Variants in TNKS2 observed in about 807,000 individuals in gnomAD.
The protein encoded by TNKS2 is poly [ADP-ribose] polymerase tankyrase-2.
TNKS2 carries 72 observed loss-of-function variants against 137.6 expected under a neutral mutation model. The ratio of observed to expected loss-of-function variants is 0.52; its 90% CI spans 0.43 to 0.64. TNKS2 has a LOEUF of 0.64. Among genes scored for constraint, TNKS2 ranks in the 30% least tolerant of loss-of-function variants. TNKS2 has a pLI of 0.00. For synonymous variants in TNKS2, 516 were observed against 512.1 expected (o/e 1.01, Z -0.10); for missense variants, 1,049 against 1,410.2 (o/e 0.74, Z 4.10).
At chr10:91,856,961 G>T (rs1842724175) in intron 23 of TNKS2, among the ~76,000 whole-genome samples, 1 of 152,032 alleles carries the variant, frequency 6.6e-6, no homozygotes, top group Non-Finnish European at 1.5e-5. Flanking sequence ...GAATCAGAAG[G>T]TCGAGGGAGT....
At chr10:91,804,780 G>C (rs1844272720) in intron 1 of TNKS2, among the ~76,000 whole-genome samples, 1 of 152,196 alleles carries the variant, frequency 6.6e-6, no homozygotes, top group Admixed American at 6.5e-5. Context: ...GTGAGGCACA[G>C]AGTTTCACTC....
At chr10:91,856,964 G>A (rs752352339) in intron 23 of TNKS2, among the ~76,000 whole-genome samples, 2 of 152,008 alleles carry the variant, frequency 1.3e-5, no homozygotes, top group African/African-American at 4.8e-5. Context: ...TCAGAAGGTC[G>A]AGGGAGTAAT....
chr10:91,825,434 A>T (rs1315429122), intron 7 of TNKS2, among the ~76,000 whole-genome samples: 1 of 152,102 alleles, frequency 6.6e-6, no homozygotes, highest in East Asian at 1.9e-4. Flanking sequence ...TTTTAAACTA[A>T]AGTATATTTA....
At chr10:91,839,798 G>A (rs1327574571) in intron 13 of TNKS2, among the ~76,000 whole-genome samples, 2 of 152,156 alleles carry the variant, frequency 1.3e-5, no homozygotes, top group East Asian at 1.9e-4. Flanking sequence ...ACTTTAATGT[G>A]TTTCCATATT....
At position 91,798,727 on chromosome 10, in the gene TNKS2, T is replaced by A. The variant is rs2133576532; in HGVS notation, c.37T>A (p.Cys13Ser). 8.1e-7 allele frequency: 1 copy of A among 1,241,940 alleles called. No homozygotes were observed. The highest frequency in any genetic ancestry group is 3.9e-5 in the South Asian group (1 of 25,732). 76.9% of individuals were successfully genotyped at this position (1,241,940 alleles called of 1,614,324 possible). A position where few individuals can be genotyped will look rare whatever the true frequency, so the allele number is the denominator to read the frequency against. ...CCGCTGCGCCGGCGGGGGAGCGGCC[T>A]GCGCGAGCGCCGCGGCCGAGGCCGT... The part of the protein sequence containing the change: ...GRRCAGGGAA[C>S]ASAAAEAVEP... The change falls in exon 1 of 27, where the codon TGC (cysteine) becomes AGC (serine). Residue 13 changes from cysteine to serine, a missense_variant. Around this residue, in one of 6 missense-constraint regions of TNKS2, gnomAD observed 374 missense variants for 460.8 expected, o/e 0.81. Coordinates refer to ENST00000371627, the MANE Select transcript of TNKS2 (RefSeq NM_025235.4).
In TNKS2 at chr10:91,849,512, T is replaced by G; in HGVS notation, c.2612T>G (p.Val871Gly). 6.2e-7 allele frequency: 1 copy of G among 1,609,018 alleles called. No individual in the cohort carries two copies. Among genetic ancestry groups the G allele is most frequent in the Admixed American group, 1.7e-5 (1 of 58,812 alleles). ...EGASSLEKKE[V>G]PGVDFSITQF... ...TGTTTTGGATTTTTTTATTTCCCAG[T>G]TCCAGGAGTAGATTTTAGCATAACT... The change falls in exon 20 of 27, where the codon GTT becomes GGT. Residue 871 changes from valine to glycine, a missense_variant and splice_region_variant. By Grantham distance (109) the Val-to-Gly change is moderately radical. Coordinates refer to ENST00000371627, the MANE Select transcript of TNKS2 (RefSeq NM_025235.4).
intron 20 of TNKS2, among the ~76,000 whole-genome samples, chr10:91,850,733 CAG>C (rs1487410531): frequency 2.0e-5 from 3 of 151,924 alleles, no homozygotes; most frequent in Non-Finnish European, 2.9e-5. Flanking sequence ...AATAAAAAAA[CAG>C]AAATTTGAAG....
rs1385124026 is a variant in TNKS2, at chr10:91,859,518, A to G, written c.3151A>G (p.Ile1051Val). The G allele has an allele frequency of 2.5e-6, 4 of 1,613,892 alleles. No homozygotes were observed. Among genetic ancestry groups the G allele is most frequent in the African/African-American group, 1.3e-5 (1 of 74,910 alleles). Residue 1051 changes from isoleucine (I) to valine (V), a missense_variant, in exon 25 of 27, where the codon ATA becomes GTA. Coordinates refer to ENST00000371627, the MANE Select transcript of TNKS2 (RefSeq NM_025235.4). ...AGGCTTTGATGAAAGGCATGCGTAC[A>G]TAGGTGGTATGTTTGGAGCTGGCAT... The part of the protein sequence containing the change: ...HKGFDERHAY[I>V]GGMFGAGIYF...
At chr10:91,832,953 A>G (rs1005961342) in intron 11 of TNKS2, among the ~76,000 whole-genome samples, 8 of 152,124 alleles carry the variant, frequency 5.3e-5, no homozygotes, top group African/African-American at 1.9e-4. Flanking sequence ...CCACCAATAT[A>G]TCTTATTTTT....
Position 91,827,150 on chromosome 10 carries a change from A to G in TNKS2, c.929A>G (p.Asn310Ser), listed in dbSNP as rs201298866. 79 of 1,604,690 alleles carry G rather than the reference A, an allele frequency of 4.9e-5. No homozygotes were observed. Among genetic ancestry groups the G allele is most frequent in the African/African-American group, 6.7e-5 (5 of 74,876 alleles). ...GACCCAACACTGCTCAATTGTCACAATAAAAGTGCTATAGACTTGGCTCCC... is the reference window on the plus strand; with the variant it reads ...GACCCAACACTGCTCAATTGTCACAGTAAAAGTGCTATAGACTTGGCTCCC... Reference protein sequence around the residue: ...GADPTLLNCHNKSAIDLAPTP... With the variant: ...GADPTLLNCHSKSAIDLAPTP... The change falls in exon 8 of 27, where the codon AAT becomes AGT. Residue 310 changes from asparagine (N) to serine (S), a missense_variant. Asn to Ser is a conservative substitution (Grantham distance 46, BLOSUM62 1). This residue lies in a region of TNKS2 where 374 missense variants were observed against 460.8 expected (regional missense o/e 0.81). Coordinates refer to ENST00000371627, the MANE Select transcript of TNKS2 (RefSeq NM_025235.4).
At chr10:91,844,596 G>A (rs1538833) in intron 16 of TNKS2, among the ~76,000 whole-genome samples, 14,334 of 152,182 alleles carry the variant, frequency 0.094, 766 homozygotes, top group East Asian at 0.19. Flanking sequence ...ACTTTGGTAG[G>A]AAGGTTTTCA....
At chr10:91,850,117 G>A (rs1482322104) in intron 20 of TNKS2, among the ~76,000 whole-genome samples, 1 of 152,162 alleles carries the variant, frequency 6.6e-6, no homozygotes, top group Non-Finnish European at 1.5e-5. Flanking sequence ...TGTAATCCCA[G>A]CACTTTGGGA....
intron 1 of TNKS2, among the ~76,000 whole-genome samples, chr10:91,801,428 C>G (rs952473533): frequency 6.6e-6 from 1 of 151,694 alleles, no homozygotes; most frequent in Non-Finnish European, 1.5e-5. Flanking sequence ...CTTTTCAGTC[C>G]GCCTGCCACT....
chr10:91,836,642 G>C (rs1005458075), intron 12 of TNKS2: 1 of 985,158 alleles, frequency 1.0e-6, no homozygotes, highest in African/African-American at 1.7e-5. Context: ...GCCATCTTTA[G>C]TCATCTCCTT....
chr10:91,850,795 C>T (rs1434719864), intron 20 of TNKS2, among the ~76,000 whole-genome samples: 5 of 152,108 alleles, frequency 3.3e-5, no homozygotes, highest in African/African-American at 7.2e-5. Flanking sequence ...CTTCATGGAA[C>T]GTGTGTAAGT....
intron 9 of TNKS2, among the ~76,000 whole-genome samples, chr10:91,830,537 T>C (rs761791014): frequency 3.9e-5 from 6 of 152,210 alleles, no homozygotes; most frequent in Non-Finnish European, 7.3e-5. Context: ...TATTTCTTCA[T>C]GTAAAGAAAC....
At chr10:91,801,480 C>T (rs1564599206) in intron 1 of TNKS2, among the ~76,000 whole-genome samples, 2 of 147,620 alleles carry the variant, frequency 1.4e-5, no homozygotes, top group African/African-American at 2.5e-5. Context: ...AGGAATTTTT[C>T]TTTTTTTTTT....
At chr10:91,846,012 A>G (rs1249979095) in intron 18 of TNKS2, 72 bp downstream of exon 18, 9 of 1,359,706 alleles carry the variant, frequency 6.6e-6, no homozygotes, top group Non-Finnish European at 8.8e-6. Context: ...GTTATTATAA[A>G]ATGTCTTTAT....
chr10:91,862,823 A>G, intron 26 of TNKS2, 114 bp from the exon 27 acceptor site: 1 of 679,144 alleles, frequency 1.5e-6, no homozygotes, highest in South Asian at 1.9e-5. Context: ...GATGATTCTG[A>G]TCTACAACAG....
Sources: gnomAD v4.1 joint callset for allele counts (sites outside exome capture counted in the v4.1 genomes callset) on GRCh38, gnomAD v4.1.1 for gene constraint, gnomAD v4.1.1 regional missense constraint, MANE v1.5 for transcripts, NCBI Gene and HGNC (gene_info 2026-07-23, HGNC 2026-07-21) for gene names.